The following RABGAP1L variants were observed in gnomAD, a reference collection of about 807,000 sequenced individuals.
RABGAP1L encodes the protein RAB GTPase activating protein 1 like.
In RABGAP1L, 63 loss-of-function variants were observed where a neutral mutation model predicts 137.7. That is an observed-to-expected ratio of 0.46 (90% CI 0.37 to 0.56). RABGAP1L has a LOEUF of 0.56. Among genes scored for constraint, RABGAP1L ranks in the 20% least tolerant of loss-of-function variants. The pLI is 0.00. For missense variants in RABGAP1L, 1,095 were observed against 1,244.0 expected (o/e 0.88, Z 1.80); for synonymous variants, 431 against 433.7 (o/e 0.99, Z 0.08).
At chr1:174,485,094 T>C (rs1157388040) in intron 13 of RABGAP1L, among the ~76,000 whole-genome samples, 2 of 152,190 alleles carry the variant, frequency 1.3e-5, no homozygotes, top group Admixed American at 1.3e-4. Context: ...TTCCTAGGTA[T>C]TTAATTTTAT....
At chr1:174,622,182 A>T (rs978928152) in intron 13 of RABGAP1L, among the ~76,000 whole-genome samples, 1 of 152,196 alleles carries the variant, frequency 6.6e-6, no homozygotes, top group Non-Finnish European at 1.5e-5. Flanking sequence ...TAGAATGGTG[A>T]TCATTAAAAA....
Position 174,503,592 on chromosome 1 carries a change from C to T in RABGAP1L, c.1710+109447C>T, listed in dbSNP as rs139555969. On this transcript the variant is annotated intron_variant, in intron 13 of 25. Transcript: ENST00000681986. ...AGGAGAATTGCCTGAACTCGGGAGG[C>T]GGAGGTTGCTCTGAGCCGAGATTGC... Among the ~76,000 whole-genome samples, 116 of 135,966 alleles carry T rather than the reference C, an allele frequency of 8.5e-4. 1 individual carries two copies. The highest frequency in any genetic ancestry group is 2.7e-3 in the African/African-American group (104 of 38,456). 89.2% of individuals were successfully genotyped at this position (135,966 alleles called of 152,430 possible).
At chr1:174,373,536 A>C (rs1685275333) in intron 12 of RABGAP1L, among the ~76,000 whole-genome samples, 1 of 152,142 alleles carries the variant, frequency 6.6e-6, no homozygotes, top group Non-Finnish European at 1.5e-5. Flanking sequence ...AATTATGAGG[A>C]TCCTCATAGC....
At chr1:174,722,072 C>A (rs1056842897) in intron 17 of RABGAP1L, among the ~76,000 whole-genome samples, 1 of 152,092 alleles carries the variant, frequency 6.6e-6, no homozygotes, top group Non-Finnish European at 1.5e-5. Context: ...GTTGGGATTA[C>A]AGGCATGCGC....
intron 13 of RABGAP1L, among the ~76,000 whole-genome samples, chr1:174,397,342 T>A (rs1647990947): frequency 6.6e-6 from 1 of 152,212 alleles, no homozygotes; most frequent in Admixed American, 6.5e-5. Context: ...ATACCTGGGC[T>A]TCACCAGTTG....
chr1:174,782,717 C>T (rs531603576), intron 18 of RABGAP1L, among the ~76,000 whole-genome samples: 151 of 152,268 alleles, frequency 9.9e-4, no homozygotes, highest in Non-Finnish European at 7.9e-4. Flanking sequence ...ATTTCCTAGG[C>T]CGACTAAGAA....
intron 15 of RABGAP1L, among the ~76,000 whole-genome samples, chr1:174,689,909 G>A (rs890922700): frequency 5.3e-5 from 8 of 152,156 alleles, no homozygotes; most frequent in African/African-American, 1.9e-4. Context: ...ATCATCTTGA[G>A]TGATATACTT....
chr1:174,636,454 G>C (rs1193845425), intron 13 of RABGAP1L, among the ~76,000 whole-genome samples: 2 of 151,958 alleles, frequency 1.3e-5, no homozygotes, highest in Non-Finnish European at 2.9e-5. Context: ...CTTGAACCCG[G>C]GAGGCGGAGG....
intron 19 of RABGAP1L, among the ~76,000 whole-genome samples, chr1:174,872,911 T>C (rs1558173688): frequency 1.3e-5 from 2 of 152,152 alleles, no homozygotes; most frequent in Non-Finnish European, 1.5e-5. Flanking sequence ...GAGTCATGTA[T>C]ACTTTGTGAA....
chr1:174,513,434 C>G (rs1572121712), intron 13 of RABGAP1L, among the ~76,000 whole-genome samples: 1 of 151,684 alleles, frequency 6.6e-6, no homozygotes, highest in South Asian at 2.1e-4. Context: ...ATAGTGACAC[C>G]CTGTCTCTAC....
At chr1:174,892,186 G>A (rs1236633899) in intron 19 of RABGAP1L, among the ~76,000 whole-genome samples, 4 of 152,194 alleles carry the variant, frequency 2.6e-5, no homozygotes, top group South Asian at 2.1e-4. Flanking sequence ...GGGTTGGGCC[G>A]GATGACCAGA....
At chr1:174,524,212 T>C (rs1041761499) in intron 13 of RABGAP1L, among the ~76,000 whole-genome samples, 10 of 152,028 alleles carry the variant, frequency 6.6e-5, no homozygotes, top group African/African-American at 1.9e-4. Context: ...TTGTTGTTTT[T>C]TTAAGAAATC....
At chr1:174,800,109 C>T (rs1418601741) in intron 18 of RABGAP1L, 2 of 1,346,964 alleles carry the variant, frequency 1.5e-6, no homozygotes, top group East Asian at 2.9e-5. Flanking sequence ...TTATTTAGAT[C>T]AGTACTTGAT....
At chr1:174,315,580 A>G (rs758803451) in intron 11 of RABGAP1L, among the ~76,000 whole-genome samples, 91 of 146,212 alleles carry the variant, frequency 6.2e-4, no homozygotes, top group Non-Finnish European at 2.1e-4. Flanking sequence ...GTCTTTCTAT[A>G]GTGAAGATGA....
chr1:174,852,935 C>A (rs1447716810), intron 19 of RABGAP1L, among the ~76,000 whole-genome samples: 1 of 151,912 alleles, frequency 6.6e-6, no homozygotes, highest in Non-Finnish European at 1.5e-5. Flanking sequence ...TTAGGATAAT[C>A]AAGTTTCTTT....
At chr1:174,859,482 C>CAAAAAAAAAAA (rs35464065) in intron 19 of RABGAP1L, among the ~76,000 whole-genome samples, 26 of 133,684 alleles carry the variant, frequency 1.9e-4, no homozygotes, top group East Asian at 3.1e-4. Flanking sequence ...GACTCCATCT[C>CAAAAAAAAAAA]AAAAAAAAAG....
chr1:174,234,665 T>G (rs1670993879), intron 4 of RABGAP1L, among the ~76,000 whole-genome samples: 1 of 151,570 alleles, frequency 6.6e-6, no homozygotes, highest in Non-Finnish European at 1.5e-5. Flanking sequence ...TTTTGGTTAC[T>G]GTAGCCTTGT....
At chr1:174,595,386 T>C (rs1278164689) in intron 13 of RABGAP1L, among the ~76,000 whole-genome samples, 56 of 15,600 alleles carry the variant, frequency 3.6e-3, no homozygotes, top group South Asian at 0.025. Flanking sequence ...AGCTTTGTTC[T>C]GTTGCTGGTG....
intron 1 of RABGAP1L, chr1:174,159,972 A>T (rs906051374): frequency 6.6e-6 from 1 of 152,144 alleles, no homozygotes; most frequent in Non-Finnish European, 1.5e-5. Context: ...CCCTCCTGAC[A>T]TTGCTGCCTC....
Sources: gnomAD v4.1 joint callset for allele counts (sites outside exome capture counted in the v4.1 genomes callset) on GRCh38, gnomAD v4.1.1 for gene constraint, MANE v1.5 for transcripts, NCBI Gene and HGNC (gene_info 2026-07-23, HGNC 2026-07-21) for gene names.